Variants in GLI3 observed in about 807,000 individuals in gnomAD.
The protein encoded by GLI3 is transcription activator GLI3.
In GLI3, 20 loss-of-function variants were observed where a neutral mutation model predicts 100.8. The observed-to-expected ratio is 0.20, with a 90% CI of 0.14 to 0.29. The LOEUF is 0.29. GLI3 is among the 10% of genes least tolerant of loss of function. The probability of loss-of-function intolerance (pLI) is 1.00; values close to 1 mark genes in which losing one functional copy is unlikely to be tolerated. For synonymous variants in GLI3, 938 were observed against 860.5 expected (o/e 1.09, Z -1.58); for missense variants, 2,040 against 2,128.5 (o/e 0.96, Z 0.82).
chr7:42,037,595 AAAG>A (rs1478330677), intron 7 of GLI3, among the ~76,000 whole-genome samples: 2 of 152,206 alleles, frequency 1.3e-5, no homozygotes, highest in African/African-American at 4.8e-5. Context: ...AATGTGTACT[AAAG>A]AAGGAGAGAT....
rs1787004860 is a variant in GLI3, at chr7:41,961,244, T to A, written c.*3086A>T. The A allele has an allele frequency of 6.6e-6, 1 of 152,648 alleles. No individual in the cohort carries two copies. Among genetic ancestry groups the A allele is most frequent in the African/African-American group, 2.4e-5 (1 of 41,462 alleles). 9.5% of individuals were successfully genotyped at this position (152,648 alleles called of 1,614,324 possible). ...TCTAAAAAAGGTGAAAAAAATGAACTTGTATTTTATTTTACATGTCTGCAG... is the reference window on the plus strand; with the variant it reads ...TCTAAAAAAGGTGAAAAAAATGAACATGTATTTTATTTTACATGTCTGCAG... On this transcript the variant is annotated 3_prime_UTR_variant, in exon 15 of 15. Coordinates refer to ENST00000395925, the MANE Select transcript of GLI3 (RefSeq NM_000168.6).
At chr7:41,982,304 A>C (rs1787693077) in intron 10 of GLI3, among the ~76,000 whole-genome samples, 1 of 152,248 alleles carries the variant, frequency 6.6e-6, no homozygotes, top group Admixed American at 6.5e-5. Context: ...CTGTTTAAGC[A>C]GTTCAAATGT....
At chr7:42,133,513 G>T (rs1288343481) in intron 3 of GLI3, among the ~76,000 whole-genome samples, 2 of 152,074 alleles carry the variant, frequency 1.3e-5, no homozygotes, top group Admixed American at 1.3e-4. Flanking sequence ...GAACAGGAGG[G>T]CTGACACTAC....
intron 3 of GLI3, among the ~76,000 whole-genome samples, chr7:42,081,547 G>A (rs891653183): frequency 6.6e-6 from 1 of 152,092 alleles, no homozygotes; most frequent in Non-Finnish European, 1.5e-5. Context: ...AGCATTAAGG[G>A]TCTCATTAGG....
At chr7:42,017,395 T>C (rs557381599) in intron 10 of GLI3, among the ~76,000 whole-genome samples, 1 of 152,228 alleles carries the variant, frequency 6.6e-6, no homozygotes, top group South Asian at 2.1e-4. Flanking sequence ...ATACAACGGA[T>C]GAATGAATTA....
intron 10 of GLI3, among the ~76,000 whole-genome samples, chr7:42,005,632 C>T (rs1252630304): frequency 6.6e-6 from 1 of 152,082 alleles, no homozygotes; most frequent in African/African-American, 2.4e-5. Flanking sequence ...TGCTCGCCTC[C>T]CCAGGTCTCC....
chr7:42,040,358 A>C, intron 6 of GLI3, 119 bp from the exon 7 acceptor site: 1 of 754,490 alleles, frequency 1.3e-6, no homozygotes, highest in South Asian at 1.5e-5. Context: ...TGCGGTGACA[A>C]GCACCTCTCC....
chr7:42,053,948 G>A (rs971513417), intron 4 of GLI3, among the ~76,000 whole-genome samples: 4 of 152,162 alleles, frequency 2.6e-5, no homozygotes, highest in South Asian at 2.1e-4. Context: ...CTGGGAAGAT[G>A]TGCCTCGCCC....
chr7:42,145,719 G>T (rs3823727), intron 3 of GLI3: 195,674 of 395,120 alleles, frequency 0.5, 49,155 homozygotes, highest in Non-Finnish European at 0.53. Context: ...ATGATGATGA[G>T]GAGGAGGAGG....
chr7:42,237,224 G>T (rs1366752130), upstream of GLI3, among the ~76,000 whole-genome samples: 1 of 151,020 alleles, frequency 6.6e-6, no homozygotes, highest in African/African-American at 2.4e-5. Context: ...GCGCGCCGGT[G>T]GCGCTGCCCC....
At chr7:42,203,285 T>C (rs1166114205) in intron 2 of GLI3, among the ~76,000 whole-genome samples, 1 of 152,214 alleles carries the variant, frequency 6.6e-6, no homozygotes, top group Non-Finnish European at 1.5e-5. Context: ...GAATACAATG[T>C]AGGGTCATTA....
At chr7:42,231,216 A>G (rs2128705651) in intron 1 of GLI3, among the ~76,000 whole-genome samples, 1 of 152,370 alleles carries the variant, frequency 6.6e-6, no homozygotes, top group Middle Eastern at 3.4e-3. Context: ...AACCTGTTGC[A>G]TGTTAAAATC....
chr7:42,122,881 A>G (rs982838020), intron 3 of GLI3, among the ~76,000 whole-genome samples: 1 of 152,224 alleles, frequency 6.6e-6, no homozygotes, highest in Admixed American at 6.5e-5. Context: ...TGAATGCAGA[A>G]TATTTTTACT....
chr7:42,252,102 A>G (rs1348905085), intron 1 of GLI3, among the ~76,000 whole-genome samples: 2 of 152,234 alleles, frequency 1.3e-5, no homozygotes, highest in Non-Finnish European at 2.9e-5. Context: ...CTAAATGCCC[A>G]TCAAGGATAG....
At chr7:42,033,913 C>T (rs941260598) in intron 7 of GLI3, among the ~76,000 whole-genome samples, 1 of 152,232 alleles carries the variant, frequency 6.6e-6, no homozygotes, top group Non-Finnish European at 1.5e-5. Context: ...CAAAGACCCA[C>T]ATGCTCTTAA....
rs772839719 is a variant in GLI3 at position 41,965,955 on chromosome 7, C to T, written c.3118G>A (p.Glu1040Lys). ...CNPPAMATSA[E>K]KRSLVLQNYT... ...TTCTGAAGCACGAGACTGCGCTTCT[C>T]CGCGGACGTGGCCATCGCCGGGGGG... The change falls in exon 15 of 15, where the codon GAG becomes AAG. Residue 1040 changes from glutamate to lysine, a missense_variant. Around this residue, in one of 5 missense-constraint regions of GLI3, gnomAD observed 1,041 missense variants for 924.0 expected, o/e 1.13. Coordinates refer to ENST00000395925, the MANE Select transcript of GLI3 (RefSeq NM_000168.6). 5.0e-6 allele frequency: 8 copies of T among 1,611,268 alleles called. No individual in the cohort carries two copies. Among genetic ancestry groups the T allele is most frequent in the South Asian group, 3.3e-5 (3 of 91,070 alleles).
chr7:42,219,636 G>A (rs2128701300), intron 2 of GLI3, among the ~76,000 whole-genome samples: 1 of 152,302 alleles, frequency 6.6e-6, no homozygotes, highest in Non-Finnish European at 1.5e-5. Context: ...AAACAGATCT[G>A]CAAGGACATG....
At chr7:42,169,325 G>T (rs1787313473) in intron 2 of GLI3, among the ~76,000 whole-genome samples, 1 of 152,102 alleles carries the variant, frequency 6.6e-6, no homozygotes, top group African/African-American at 2.4e-5. Flanking sequence ...AACTGTGCAT[G>T]AACAGCCAAT....
chr7:42,132,189 C>T (rs1193348363), intron 3 of GLI3, among the ~76,000 whole-genome samples: 2 of 152,014 alleles, frequency 1.3e-5, no homozygotes, highest in South Asian at 2.1e-4. Flanking sequence ...CAAGCTCCGC[C>T]TCCTGGGTTC....
Sources: allele counts gnomAD v4.1 joint callset (sites outside exome capture counted in the v4.1 genomes callset), GRCh38; gene constraint gnomAD v4.1.1; regional missense constraint gnomAD v4.1.1; transcripts MANE v1.5; gene names NCBI Gene and HGNC (gene_info 2026-07-23, HGNC 2026-07-21).